COL9A1: variants seen among roughly 807,000 people sequenced by gnomAD.
The protein encoded by COL9A1 is collagen type IX alpha 1 chain, also known as collagen alpha-1(IX) chain.
In COL9A1, 104 loss-of-function variants were observed where a neutral mutation model predicts 142.6. That is an observed-to-expected ratio of 0.73 (90% CI 0.62 to 0.86). The LOEUF (loss-of-function observed/expected upper bound fraction) is 0.86. Ranked by LOEUF, COL9A1 falls within the 40% of genes least tolerant of loss-of-function variation. The probability of loss-of-function intolerance (pLI) is 0.00; values close to 1 mark genes in which losing one functional copy is unlikely to be tolerated. For synonymous variants in COL9A1, 466 were observed against 396.0 expected (o/e 1.18, Z -2.10); for missense variants, 1,210 against 1,176.6 (o/e 1.03, Z -0.42).
chr6:70,269,556 C>A, intron 16 of COL9A1, 77 bp downstream of exon 16: 2 of 1,016,408 alleles, frequency 2.0e-6, no homozygotes, highest in East Asian at 4.7e-5. Context: ...CCAGGGAAAT[C>A]TTTTAAAGAA....
At chr6:70,267,920 G>C (rs550211533) in intron 17 of COL9A1, among the ~76,000 whole-genome samples, 1 of 152,080 alleles carries the variant, frequency 6.6e-6, no homozygotes, top group African/African-American at 2.4e-5. Flanking sequence ...CAGTGCCTTC[G>C]GGCCTTTCAG....
chr6:70,244,568 AAAG>A (rs1770470260), intron 28 of COL9A1, among the ~76,000 whole-genome samples: 2 of 152,214 alleles, frequency 1.3e-5, no homozygotes, highest in East Asian at 3.8e-4. Flanking sequence ...TTGGTGGGGA[AAAG>A]TTAATATCAG....
At chr6:70,242,588 T>C in intron 29 of COL9A1, 74 bp downstream of exon 29, 1 of 1,281,972 alleles carries the variant, frequency 7.8e-7, no homozygotes. Context: ...TTGTAAATTG[T>C]TTTCTCCTCT....
At chr6:70,294,841 T>C (rs908742025) in intron 4 of COL9A1, among the ~76,000 whole-genome samples, 22 of 152,156 alleles carry the variant, frequency 1.4e-4, no homozygotes, top group African/African-American at 5.3e-4. Flanking sequence ...CCAACAATAT[T>C]ACTATTTATA....
chr6:70,266,896 G>A, intron 17 of COL9A1, 126 bp from the exon 18 acceptor site: 1 of 795,714 alleles, frequency 1.3e-6, no homozygotes, highest in African/African-American at 1.7e-5. Flanking sequence ...ATGTCACAAA[G>A]AAAATTAATG....
chr6:70,267,919 C>T (rs550284257), intron 17 of COL9A1, among the ~76,000 whole-genome samples: 120 of 152,254 alleles, frequency 7.9e-4, no homozygotes, highest in African/African-American at 2.7e-3. Flanking sequence ...TCAGTGCCTT[C>T]GGGCCTTTCA....
At chr6:70,283,052 T>A in intron 6 of COL9A1, 134 bp from the exon 7 acceptor site, 1 of 1,563,974 alleles carries the variant, frequency 6.4e-7, no homozygotes, top group Non-Finnish European at 8.6e-7. Flanking sequence ...GTCCAGGCCA[T>A]GCCCGCCGCC....
At chr6:70,244,560 G>A (rs1770469360) in intron 28 of COL9A1, among the ~76,000 whole-genome samples, 2 of 152,176 alleles carry the variant, frequency 1.3e-5, no homozygotes, top group East Asian at 3.8e-4. Context: ...AATAGTAATT[G>A]GTGGGGAAAA....
At chr6:70,284,914 T>A (rs554255402) in intron 5 of COL9A1, among the ~76,000 whole-genome samples, 1 of 152,294 alleles carries the variant, frequency 6.6e-6, no homozygotes, top group African/African-American at 2.4e-5. Flanking sequence ...AATTACATAA[T>A]TTTTTTCACT....
intron 5 of COL9A1, among the ~76,000 whole-genome samples, chr6:70,293,291 T>A (rs1358021789): frequency 1.3e-5 from 2 of 152,186 alleles, no homozygotes; most frequent in African/African-American, 4.8e-5. Flanking sequence ...TAAGACATAT[T>A]TTCTAAATTC....
chr6:70,252,362 A>G, intron 26 of COL9A1, 47 bp from the exon 27 acceptor site: 2 of 1,543,910 alleles, frequency 1.3e-6, no homozygotes, highest in East Asian at 2.2e-5. Context: ...TGAAGTAAGC[A>G]TAATCATCAA....
chr6:70,215,974 A>G (rs1768478547), downstream of COL9A1: 1 of 151,938 alleles, frequency 6.6e-6, no homozygotes, highest in Non-Finnish European at 1.5e-5. Context: ...CCTCTGTGGA[A>G]CAGCTTTTTA....
rs1306409534 is a variant in COL9A1 at position 70,294,272 on chromosome 6, G to T, written c.591C>A (p.Asp197Glu). The stretch of plus-strand genomic sequence containing the variant: ...TAGGTAAAGATTCAATCCTGTTGCA[G>T]TCAACAAAAAGAGTAGCACTACTCC... The part of the protein sequence containing the change: ...VERSSATLFV[D>E]CNRIESLPIK... The change falls in exon 5 of 38, where the codon GAC becomes GAA. Residue 197 changes from aspartate to glutamate, a missense_variant. By Grantham distance (45) the Asp-to-Glu change is conservative. Transcript: ENST00000357250. 6.2e-7 allele frequency: 1 copy of T among 1,613,908 alleles called. No homozygotes were observed. Among genetic ancestry groups the T allele is most frequent in the East Asian group, 2.2e-5 (1 of 44,894 alleles).
At chr6:70,237,289 C>A (rs759504293) in intron 33 of COL9A1, among the ~76,000 whole-genome samples, 1 of 152,194 alleles carries the variant, frequency 6.6e-6, no homozygotes, top group Non-Finnish European at 1.5e-5. Context: ...AGATTAAGGG[C>A]CAATATGGCC....
Position 70,263,312 on chromosome 6 carries a change from G to GA in COL9A1, c.1342-16dup, listed in dbSNP as rs759288929. 7 of 1,603,372 alleles carry GA rather than the reference G, an allele frequency of 4.4e-6. No homozygotes were observed. The highest frequency in any genetic ancestry group is 1.7e-5 in the Admixed American group (1 of 59,408). On this transcript the variant is annotated splice_polypyrimidine_tract_variant and intron_variant, in intron 18 of 37. Coordinates refer to ENST00000357250, the MANE Select transcript of COL9A1 (RefSeq NM_001851.6). ...CCTTCTTCACCCTAAAGAAAAAAAA[G>GA]AAAAAAGAAAAGCACACCAAATGTT...
rs1198871018 is a variant in COL9A1, at chr6:70,240,697, C to G, written c.2071G>C (p.Gly691Arg). Residue 691 changes from glycine (G) to arginine (R), a missense_variant, in exon 32 of 38, where the codon GGG becomes CGG. By Grantham distance (125) the Gly-to-Arg change is moderately radical. Transcript: ENST00000357250. Reference protein sequence around the residue: ...SGEEGEAGERGELGDIGLPGP... With the variant: ...SGEEGEAGERRELGDIGLPGP... ...GAAAAAAAAAATCTTACAAGTTCCC[C>G]CCTTTCTCCTGCTTCACCTTCTTCA... The G allele has an allele frequency of 1.2e-6, 2 of 1,612,764 alleles. No homozygotes were observed. Among genetic ancestry groups the G allele is most frequent in the Non-Finnish European group, 8.5e-7 (1 of 1,179,244 alleles).
rs140987023 is a variant in COL9A1 at position 70,284,829 on chromosome 6, T to C, written c.697-1009A>G. Among the ~76,000 whole-genome samples, 19 of 152,336 alleles carry C rather than the reference T, an allele frequency of 1.2e-4. 1 individual carries two copies. In the East Asian group the frequency reaches 3.5e-3, roughly 28 times the overall value. ...TCCTAGATCTAAGCATTACTTCTTT[T>C]CTTTCATGCAATAGAGATTTCCATG... On this transcript the variant is annotated intron_variant, in intron 5 of 37. Transcript: ENST00000357250.
At chr6:70,266,943 A>G (rs1353158399) in intron 17 of COL9A1, among the ~76,000 whole-genome samples, 173 bp from the exon 18 acceptor site, 1 of 152,252 alleles carries the variant, frequency 6.6e-6, no homozygotes, top group Non-Finnish European at 1.5e-5. Flanking sequence ...ACTGCCATAT[A>G]TAATTAATAT....
intron 28 of COL9A1, among the ~76,000 whole-genome samples, chr6:70,244,395 A>G (rs1428842026): frequency 6.6e-6 from 1 of 152,188 alleles, no homozygotes; most frequent in African/African-American, 2.4e-5. Context: ...AAATATAAAA[A>G]TTGGGTTCTA....
Sources: allele counts gnomAD v4.1 joint callset (sites outside exome capture counted in the v4.1 genomes callset), GRCh38; gene constraint gnomAD v4.1.1; transcripts MANE v1.5; gene names NCBI Gene and HGNC (gene_info 2026-07-23, HGNC 2026-07-21).